The following PI4KA variants were observed in gnomAD, a reference collection of about 807,000 sequenced individuals.
The protein encoded by PI4KA is phosphatidylinositol 4-kinase alpha.
A neutral mutation model predicts 271.4 loss-of-function variants in PI4KA; 122 were observed. The observed-to-expected ratio is 0.45, with a 90% CI of 0.39 to 0.52. The LOEUF is 0.52. Ranked by LOEUF, PI4KA falls within the 20% of genes least tolerant of loss-of-function variation. The pLI is 0.00. For synonymous variants in PI4KA, 1,041 were observed against 1,078.8 expected (o/e 0.96, Z 0.69); for missense variants, 1,969 against 2,769.1 (o/e 0.71, Z 6.48).
intron 48 of PI4KA, chr22:20,713,026 T>G: frequency 1.6e-6 from 1 of 620,480 alleles, no homozygotes; most frequent in East Asian, 2.8e-5. Context: ...TCTGGTGGGG[T>G]GTGTGAGATA....
intron 23 of PI4KA, among the ~76,000 whole-genome samples, chr22:20,758,459 CTTTTTTTTTT>C (rs35401829): frequency 2.4e-5 from 2 of 85,036 alleles, no homozygotes; most frequent in Non-Finnish European, 4.4e-5. Context: ...TCTTTCTTTT[CTTTTTTTTTT>C]TTTTTTTTGC....
chr22:20,813,377 A>G lies in PI4KA; in HGVS notation c.986T>C (p.Leu329Pro), dbSNP rs1470005794. 2 of 1,613,686 alleles carry G rather than the reference A, an allele frequency of 1.2e-6. No homozygotes were observed. The highest frequency in any genetic ancestry group is 1.7e-6 in the Non-Finnish European group (2 of 1,179,680). Residue 329 changes from leucine to proline, a missense_variant, in exon 8 of 55, where the codon CTT becomes CCT. Leu to Pro is a moderately conservative substitution (Grantham distance 98). Transcript: ENST00000255882. The part of the protein sequence containing the change: ...YKEFNIPLEM[L>P]RELLNLVKKI... ...GCTTACCAGGTTTAAGAGTTCCCGA[A>G]GCATTTCCAATGGAATGTTAAACTC...
rs1192854677 is a variant in PI4KA at position 20,729,944 on chromosome 22, C to T, written c.4356G>A (p.Trp1452Ter). 1 of 1,614,184 alleles carries T rather than the reference C, an allele frequency of 6.2e-7. No individual in the cohort carries two copies. Residue 1452 changes from tryptophan to a stop codon, truncating the protein, a stop_gained, in exon 37 of 55, where the codon TGG becomes TGA. Coordinates refer to ENST00000255882, the MANE Select transcript of PI4KA (RefSeq NM_058004.4). LOFTEE classifies it high-confidence loss of function. ...CGCTGGACAGGGGGTATGTGTTGAT[C>T]CAGCCTTGGGTGGCTTGTTGCCGAG... ...VGSRQQATQG[W>*]INTYPLSSGM...
intron 32 of PI4KA, among the ~76,000 whole-genome samples, chr22:20,739,407 C>T (rs1929138824): frequency 6.8e-6 from 1 of 147,406 alleles, no homozygotes; most frequent in South Asian, 2.1e-4. Context: ...GCCGAGGCAG[C>T]AGAATCACTT....
chr22:20,755,953 G>A (rs548724824), intron 23 of PI4KA, among the ~76,000 whole-genome samples: 16 of 152,240 alleles, frequency 1.1e-4, no homozygotes, highest in South Asian at 4.1e-4. Flanking sequence ...ACTACATGCT[G>A]GGTCTGCCCT....
intron 29 of PI4KA, 114 bp from the exon 30 acceptor site, chr22:20,744,834 T>C: frequency 1.4e-6 from 1 of 692,520 alleles, no homozygotes; most frequent in Non-Finnish European, 2.3e-6. Context: ...GGGGTTACTA[T>C]TAATAAAAAT....
intron 6 of PI4KA, among the ~76,000 whole-genome samples, chr22:20,819,402 T>C (rs1569070017): frequency 6.6e-6 from 1 of 152,006 alleles, no homozygotes. Context: ...TAGAGGCCTT[T>C]TGTGGCTTTT....
intron 44 of PI4KA, among the ~76,000 whole-genome samples, 157 bp downstream of exon 44, chr22:20,718,536 C>G (rs1926297765): frequency 6.6e-6 from 1 of 152,240 alleles, no homozygotes; most frequent in African/African-American, 2.4e-5. Flanking sequence ...CCCACCCTGG[C>G]TGTCCATCAG....
At chr22:20,823,704 C>G (rs545571828) in intron 4 of PI4KA, among the ~76,000 whole-genome samples, 9 of 152,060 alleles carry the variant, frequency 5.9e-5, no homozygotes, top group African/African-American at 1.7e-4. Context: ...TCTGGGAGGT[C>G]GAGGCAGAAG....
intron 19 of PI4KA, among the ~76,000 whole-genome samples, 179 bp from the exon 20 acceptor site, chr22:20,765,872 T>C (rs1164176497): frequency 3.3e-5 from 5 of 152,168 alleles, no homozygotes; most frequent in African/African-American, 4.8e-5. Context: ...CATCCACTCA[T>C]TTACTGAGTC....
In PI4KA at chr22:20,717,699, C is replaced by T; in HGVS notation, c.5317+9G>A. The stretch of plus-strand genomic sequence containing the variant: ...GGTTGGTCTGAGCCTCCAGAAGCCA[C>T]CTGCTCACCCGGCTGCACCTTCACT... On this transcript the variant is annotated intron_variant, in intron 45 of 54. Coordinates refer to ENST00000255882, the MANE Select transcript of PI4KA (RefSeq NM_058004.4). 1 of 1,569,396 alleles carries T rather than the reference C, an allele frequency of 6.4e-7. No homozygotes were observed. The highest frequency in any genetic ancestry group is 1.4e-5 in the African/African-American group (1 of 74,020).
chr22:20,855,858 T>C (rs964589718), intron 1 of PI4KA, among the ~76,000 whole-genome samples: 2 of 152,236 alleles, frequency 1.3e-5, no homozygotes, highest in Non-Finnish European at 2.9e-5. Context: ...TCTTTATTAC[T>C]AATAGTTACA....
chr22:20,733,111 A>G lies in PI4KA; in HGVS notation c.4161-13T>C, dbSNP rs368479985. The G allele has an allele frequency of 2.3e-4, 377 of 1,611,930 alleles. 4 individuals carry two copies. The South Asian group carries it at 3.6e-3, about 15-fold the overall frequency. ...CTTTGGGGGACAGCTTCAAACAACC[A>G]TAAGAGGACAAGGGCTGAGTGTCTG... is the stretch of plus-strand genomic sequence containing the variant. On this transcript the variant is annotated splice_polypyrimidine_tract_variant and intron_variant, in intron 35 of 54. Coordinates refer to ENST00000255882, the MANE Select transcript of PI4KA (RefSeq NM_058004.4).
chr22:20,810,533 T>C lies in PI4KA; in HGVS notation c.1071+434A>G, dbSNP rs1458374249. On this transcript the variant is annotated intron_variant, in intron 9 of 54. Coordinates refer to ENST00000255882, the MANE Select transcript of PI4KA (RefSeq NM_058004.4). Reference sequence around the variant, plus strand: ...CAAAAAAAAAAAAAAAGTTCCCTAGTTACGCACCCCTTACACTTAAAAACC... The same window carrying C: ...CAAAAAAAAAAAAAAAGTTCCCTAGCTACGCACCCCTTACACTTAAAAACC... Among the ~76,000 whole-genome samples, 4 of 150,384 alleles carry C rather than the reference T, an allele frequency of 2.7e-5. No individual in the cohort carries two copies. In the East Asian group the frequency reaches 5.9e-4, roughly 22 times the overall value.
At chr22:20,786,977 G>T in intron 19 of PI4KA, 1 of 1,614,188 alleles carries the variant, frequency 6.2e-7, no homozygotes, top group Non-Finnish European at 8.5e-7. Context: ...CCGCTTCACT[G>T]TCGACCGCCC....
rs6004023 is a variant in PI4KA at position 20,710,997 on chromosome 22, A to G, written c.5924-139T>C. 0.43 allele frequency: 342,788 copies of G among 801,880 alleles called. 70,697 individuals are homozygous for G. Among genetic ancestry groups the G allele is most frequent in the African/African-American group, 0.55 (31,507 of 57,374 alleles). 49.7% of individuals were successfully genotyped at this position (801,880 alleles called of 1,614,324 possible). On this transcript the variant is annotated intron_variant, in intron 51 of 54. Coordinates refer to ENST00000255882, the MANE Select transcript of PI4KA (RefSeq NM_058004.4). ...CAACAGGCAGGTTGTGTTTTCTTGG[A>G]GACAGTGATGGGGTGGGTGGTGGGG...
chr22:20,850,456 T>C (rs1478130035), intron 1 of PI4KA, among the ~76,000 whole-genome samples: 1 of 151,710 alleles, frequency 6.6e-6, no homozygotes, highest in Non-Finnish European at 1.5e-5. Flanking sequence ...AAAAATTTTT[T>C]TTTTTGAGAC....
intron 32 of PI4KA, among the ~76,000 whole-genome samples, chr22:20,739,253 G>A (rs1484385574): frequency 2.6e-5 from 4 of 151,624 alleles, no homozygotes; most frequent in African/African-American, 7.3e-5. Context: ...GGCTGAGACA[G>A]GAGAATGGCG....
intron 45 of PI4KA, among the ~76,000 whole-genome samples, chr22:20,715,281 G>A (rs1925842368): frequency 6.6e-6 from 1 of 151,798 alleles, no homozygotes; most frequent in South Asian, 2.1e-4. Context: ...ATGTTGGCCA[G>A]GCTGGTCTCA....
Sources: allele counts gnomAD v4.1 joint callset (sites outside exome capture counted in the v4.1 genomes callset), GRCh38; gene constraint gnomAD v4.1.1; transcripts MANE v1.5; gene names NCBI Gene and HGNC (gene_info 2026-07-23, HGNC 2026-07-21).